GPHN: variants seen among roughly 807,000 people sequenced by gnomAD.
The protein encoded by GPHN is gephyrin.
Under a neutral mutation model 95.5 loss-of-function variants are expected in GPHN, and 17 were observed. That is an observed-to-expected ratio of 0.18 (90% CI 0.12 to 0.27). The LOEUF (loss-of-function observed/expected upper bound fraction) is 0.27. Among genes scored for constraint, GPHN ranks in the 10% least tolerant of loss-of-function variants. The pLI is 1.00. For missense variants in GPHN, 660 were observed against 978.1 expected, an observed-to-expected ratio of 0.67 and a Z score of 4.34; for synonymous variants, 320 against 322.5, an observed-to-expected ratio of 0.99 and a Z score of 0.08.
the GPHN span, among the ~76,000 whole-genome samples, chr14:67,460,879 C>T: frequency 6.6e-6 from 1 of 152,106 alleles, no homozygotes; most frequent in Non-Finnish European, 1.5e-5. Context: ...CCCATGGGTT[C>T]GGGGTAAGGG....
the GPHN span, among the ~76,000 whole-genome samples, chr14:67,509,915 C>A: frequency 6.6e-6 from 1 of 152,084 alleles, no homozygotes; most frequent in African/African-American, 2.4e-5. Flanking sequence ...GAGGCTGAGG[C>A]AGGAGGATCA....
At chr14:67,286,999 C>CT in the GPHN span, among the ~76,000 whole-genome samples, 1 of 152,138 alleles carries the variant, frequency 6.6e-6, no homozygotes, top group Non-Finnish European at 1.5e-5. Flanking sequence ...GGGTGGATCA[C>CT]TTGAGTCCAG....
the GPHN span, among the ~76,000 whole-genome samples, chr14:67,549,513 C>G: frequency 6.6e-6 from 1 of 152,036 alleles, no homozygotes; most frequent in Non-Finnish European, 1.5e-5. Context: ...TCAAGTGATC[C>G]GCCTGCCTCG....
At chr14:66,991,331 G>GATAGTA (rs142644541) in intron 9 of GPHN, among the ~76,000 whole-genome samples, 2,297 of 152,122 alleles carry the variant, frequency 0.015, 30 homozygotes, top group Non-Finnish European at 0.018. Flanking sequence ...GTGATGTGCT[G>GATAGTA]ATAGTAACTG....
the GPHN span, among the ~76,000 whole-genome samples, chr14:67,500,472 T>A: frequency 2.0e-5 from 3 of 151,958 alleles, no homozygotes; most frequent in Non-Finnish European, 4.4e-5. Flanking sequence ...TGACACTCCA[T>A]CTCAAACAAA....
the GPHN span, chr14:67,556,019 G>T: frequency 9.1e-6 from 11 of 1,211,916 alleles, no homozygotes; most frequent in African/African-American, 9.0e-5. Flanking sequence ...ATGAGTGTGC[G>T]TGGAGCTTTC....
At chr14:67,379,256 A>G in the GPHN span, among the ~76,000 whole-genome samples, 1 of 152,230 alleles carries the variant, frequency 6.6e-6, no homozygotes, top group Admixed American at 6.5e-5. Context: ...AGGATTGATT[A>G]TATATCTTTA....
chr14:67,089,115 A>ATTTTTTTTTTTTTTT lies in GPHN; in HGVS notation c.1237+49_1237+50insTTTTTTTTTTTTTTT, dbSNP rs371624615. On this transcript the variant is annotated intron_variant, in intron 12 of 22. Coordinates refer to ENST00000478722, the MANE Select transcript of GPHN (RefSeq NM_020806.5). ...TTTCTTAAACATAATCAGGCACTGT[A>ATTTTTTTTTTTTTTT]TTTTTTTTTCTTTTTTTCTTTTTTT... The ATTTTTTTTTTTTTTT allele has an allele frequency of 5.5e-5, 20 of 363,244 alleles. 1 individual carries two copies. The highest frequency in any genetic ancestry group is 8.4e-5 in the African/African-American group (3 of 35,816). The allele number at this position is 363,244 out of a possible 1,614,324, so 22.5% of individuals were successfully genotyped here.
At chr14:66,978,065 G>C (rs1338331941) in intron 9 of GPHN, among the ~76,000 whole-genome samples, 3 of 152,154 alleles carry the variant, frequency 2.0e-5, no homozygotes, top group African/African-American at 7.2e-5. Context: ...GTGTGAAAAG[G>C]ATTATGTCTA....
At chr14:67,662,935 T>C in the GPHN span, 214 of 1,089,762 alleles carry the variant, frequency 2.0e-4, 1 homozygote, top group Non-Finnish European at 2.4e-4. Flanking sequence ...TGTTTACCAA[T>C]AGTGACTCTC....
chr14:67,444,680 C>T, the GPHN span, among the ~76,000 whole-genome samples: 13 of 152,312 alleles, frequency 8.5e-5, no homozygotes, highest in African/African-American at 2.6e-4. Context: ...AGACCAAATA[C>T]GTGATTAGAA....
chr14:67,702,193 T>C, the GPHN span, among the ~76,000 whole-genome samples: 2 of 151,970 alleles, frequency 1.3e-5, no homozygotes, highest in African/African-American at 4.8e-5. Context: ...GGTCTCAAAC[T>C]CCTGAGCTCA....
chr14:67,023,586 A>C, intron 9 of GPHN, 47 bp from the exon 10 acceptor site: 1 of 1,521,708 alleles, frequency 6.6e-7, no homozygotes, highest in Non-Finnish European at 9.1e-7. Context: ...ATATCTGCCT[A>C]TTCATGCTAT....
At chr14:67,056,245 T>C (rs1195814012) in intron 10 of GPHN, among the ~76,000 whole-genome samples, 1 of 152,150 alleles carries the variant, frequency 6.6e-6, no homozygotes, top group East Asian at 1.9e-4. Context: ...TTTACAAACC[T>C]TGAGCTAGAC....
chr14:66,938,289 ATAT>A (rs1362492401), intron 8 of GPHN, among the ~76,000 whole-genome samples: 1 of 152,208 alleles, frequency 6.6e-6, no homozygotes, highest in Non-Finnish European at 1.5e-5. Context: ...GAAATGTTTC[ATAT>A]TAGTTTAAGA....
the GPHN span, chr14:67,587,413 G>T: frequency 1.5e-6 from 1 of 687,762 alleles, no homozygotes; most frequent in Non-Finnish European, 2.5e-6. Context: ...ATGTTTCAGG[G>T]CTCAACTTTT....
chr14:67,694,866 T>C, the GPHN span, among the ~76,000 whole-genome samples: 1 of 152,070 alleles, frequency 6.6e-6, no homozygotes, highest in South Asian at 2.1e-4. Flanking sequence ...GTCTGTCTAT[T>C]CAGTCACTGG....
At chr14:67,337,542 T>C in the GPHN span, 1 of 151,314 alleles carries the variant, frequency 6.6e-6, no homozygotes, top group African/African-American at 2.4e-5. Flanking sequence ...AAAGAAAAAC[T>C]ACCTGGACTG....
At chr14:67,023,296 T>C (rs1329897078) in intron 9 of GPHN, among the ~76,000 whole-genome samples, 1 of 152,064 alleles carries the variant, frequency 6.6e-6, no homozygotes, top group East Asian at 1.9e-4. Context: ...CTGAATGCCT[T>C]ACTATTAAGG....
Sources: gnomAD v4.1 joint callset for allele counts (sites outside exome capture counted in the v4.1 genomes callset) on GRCh38, gnomAD v4.1.1 for gene constraint, MANE v1.5 for transcripts, NCBI Gene and HGNC (gene_info 2026-07-23, HGNC 2026-07-21) for gene names.